CADM2: variants seen among roughly 807,000 people sequenced by gnomAD.
CADM2 encodes the protein immunoglobulin superfamily member 4D.
A neutral mutation model predicts 49.8 loss-of-function variants in CADM2; 12 were observed. The observed-to-expected ratio is 0.24, with a 90% CI of 0.15 to 0.39. CADM2 has a LOEUF of 0.39. Among genes scored for constraint, CADM2 ranks in the 10% least tolerant of loss-of-function variants. The pLI is 1.00. For missense variants in CADM2, 378 were observed against 492.3 expected (o/e 0.77, Z 2.20); for synonymous variants, 214 against 175.4 (o/e 1.22, Z -1.74).
chr3:86,020,632 A>G (rs908516439), intron 8 of CADM2, among the ~76,000 whole-genome samples: 1 of 152,032 alleles, frequency 6.6e-6, no homozygotes, highest in African/African-American at 2.4e-5. Flanking sequence ...CAAAAAGCTT[A>G]TCCACCATTA....
chr3:85,976,881 G>A (rs1726850720), intron 8 of CADM2, among the ~76,000 whole-genome samples: 1 of 151,510 alleles, frequency 6.6e-6, no homozygotes, highest in Admixed American at 6.6e-5. Context: ...TTGTTTTGAA[G>A]TGGATTAACA....
At chr3:86,037,977 C>G (rs1735379025) in intron 8 of CADM2, among the ~76,000 whole-genome samples, 1 of 152,042 alleles carries the variant, frequency 6.6e-6, no homozygotes, top group Non-Finnish European at 1.5e-5. Flanking sequence ...CTAATGATCT[C>G]CCTCCATTTG....
chr3:85,286,939 T>G (rs2043647399), intron 1 of CADM2, among the ~76,000 whole-genome samples: 1 of 152,130 alleles, frequency 6.6e-6, no homozygotes, highest in South Asian at 2.1e-4. Flanking sequence ...CCTGAAAATT[T>G]ACACTGAGGA....
intron 1 of CADM2, among the ~76,000 whole-genome samples, chr3:85,163,683 T>C (rs2040391301): frequency 6.6e-6 from 1 of 152,098 alleles, no homozygotes; most frequent in South Asian, 2.1e-4. Flanking sequence ...CTCATTTATC[T>C]TTTCACAGTT....
At chr3:85,467,895 C>T (rs2038574049) in intron 1 of CADM2, among the ~76,000 whole-genome samples, 2 of 152,148 alleles carry the variant, frequency 1.3e-5, no homozygotes, top group South Asian at 4.1e-4. Flanking sequence ...GAGGCAGCGC[C>T]TGTAATCCCA....
intron 1 of CADM2, among the ~76,000 whole-genome samples, chr3:85,384,831 A>G (rs2034126224): frequency 6.6e-6 from 1 of 152,008 alleles, no homozygotes; most frequent in Non-Finnish European, 1.5e-5. Context: ...GAATTTATTG[A>G]CCTTTTATTT....
intron 3 of CADM2, among the ~76,000 whole-genome samples, chr3:85,802,458 T>C (rs1050036840): frequency 5.3e-5 from 8 of 152,146 alleles, no homozygotes; most frequent in Non-Finnish European, 7.4e-5. Context: ...CCATTTCCTG[T>C]CTAGGTACCA....
intron 1 of CADM2, among the ~76,000 whole-genome samples, chr3:85,078,205 T>A (rs2037022503): frequency 6.6e-6 from 1 of 151,982 alleles, no homozygotes; most frequent in African/African-American, 2.4e-5. Flanking sequence ...CTTTAAATGA[T>A]CCTATTTTTA....
At chr3:85,941,146 C>T (rs769296756) in intron 7 of CADM2, among the ~76,000 whole-genome samples, 17 of 152,012 alleles carry the variant, frequency 1.1e-4, no homozygotes, top group Admixed American at 2.6e-4. Context: ...TATGAAATGT[C>T]GGCCTCCAAG....
intron 1 of CADM2, among the ~76,000 whole-genome samples, chr3:85,708,293 A>T (rs1048743122): frequency 1.2e-4 from 19 of 152,268 alleles, no homozygotes; most frequent in Admixed American, 9.2e-4. Flanking sequence ...TTTAATCTAG[A>T]TACAGGTACT....
chr3:85,601,967 T>G (rs2063419792), intron 1 of CADM2, among the ~76,000 whole-genome samples: 1 of 151,780 alleles, frequency 6.6e-6, no homozygotes. Context: ...CCAGAAGAAA[T>G]TCAAAGCAAA....
At chr3:85,233,649 A>G (rs890440181) in intron 1 of CADM2, among the ~76,000 whole-genome samples, 5 of 152,174 alleles carry the variant, frequency 3.3e-5, no homozygotes, top group African/African-American at 1.2e-4. Context: ...GACAGCGTAG[A>G]TGAGATTTAA....
At chr3:85,142,655 A>C (rs2039612640) in intron 1 of CADM2, among the ~76,000 whole-genome samples, 1 of 152,232 alleles carries the variant, frequency 6.6e-6, no homozygotes, top group South Asian at 2.1e-4. Context: ...GTGAGGATAA[A>C]TTGCAACAAA....
intron 1 of CADM2, among the ~76,000 whole-genome samples, chr3:85,364,945 T>G (rs2032642245): frequency 6.6e-6 from 1 of 152,120 alleles, no homozygotes; most frequent in African/African-American, 2.4e-5. Context: ...AGTTTAAGAT[T>G]CTATAGCATT....
chr3:85,327,657 A>G (rs1258283818), intron 1 of CADM2, among the ~76,000 whole-genome samples: 3 of 151,916 alleles, frequency 2.0e-5, no homozygotes, highest in Non-Finnish European at 4.4e-5. Flanking sequence ...AAGTTACCCT[A>G]TAGGCTAAAT....
At chr3:85,598,849 GTGTGTGTATA>G (rs2063318469) in intron 1 of CADM2, among the ~76,000 whole-genome samples, 2 of 94,230 alleles carry the variant, frequency 2.1e-5, no homozygotes, top group South Asian at 7.0e-4. Flanking sequence ...TTAAGTGTGT[GTGTGTGTATA>G]TATATATATA....
At chr3:85,344,168 G>A (rs1469518348) in intron 1 of CADM2, among the ~76,000 whole-genome samples, 1 of 151,722 alleles carries the variant, frequency 6.6e-6, no homozygotes, top group Non-Finnish European at 1.5e-5. Flanking sequence ...GAAGTCAGGA[G>A]ATCGAGACCA....
chr3:85,598,738 AT>A (rs1559934231), intron 1 of CADM2, among the ~76,000 whole-genome samples: 1 of 151,962 alleles, frequency 6.6e-6, no homozygotes, highest in African/African-American at 2.4e-5. Context: ...AAATTCCAGT[AT>A]TCAGTGAATT....
chr3:85,258,422 A>T (rs1335137851), intron 1 of CADM2, among the ~76,000 whole-genome samples: 1 of 152,004 alleles, frequency 6.6e-6, no homozygotes, highest in Non-Finnish European at 1.5e-5. Flanking sequence ...GCTGCCAAAA[A>T]GAGTCCAGTT....
Sources: allele counts gnomAD v4.1 joint callset (sites outside exome capture counted in the v4.1 genomes callset), GRCh38; gene constraint gnomAD v4.1.1; transcripts MANE v1.5; gene names NCBI Gene and HGNC (gene_info 2026-07-23, HGNC 2026-07-21).